GPC5: variants seen among roughly 807,000 people sequenced by gnomAD.
GPC5 encodes glypican-5.
Under a neutral mutation model 53.9 loss-of-function variants are expected in GPC5, and 47 were observed. The observed-to-expected ratio is 0.87, with a 90% CI of 0.69 to 1.11. GPC5 has a LOEUF of 1.11. GPC5 is among the 50% of genes most tolerant of loss of function. The pLI is 0.00. For synonymous variants in GPC5, 286 were observed against 263.3 expected (o/e 1.09, Z -0.84); for missense variants, 748 against 713.1 (o/e 1.05, Z -0.56).
intron 6 of GPC5, chr13:91,995,512 G>A (rs551272832): frequency 6.6e-6 from 1 of 152,232 alleles, no homozygotes; most frequent in Non-Finnish European, 1.5e-5. Context: ...AAGTGCTTCT[G>A]TTCTGTTCCC....
chr13:92,122,226 A>G (rs926056961), intron 6 of GPC5, among the ~76,000 whole-genome samples: 7 of 151,824 alleles, frequency 4.6e-5, no homozygotes, highest in Non-Finnish European at 8.8e-5. Context: ...TGCAGTGACA[A>G]TTTACCTTGG....
chr13:91,724,062 AGAATCATAAGGGAACT>A (rs771349202), intron 3 of GPC5, among the ~76,000 whole-genome samples: 51 of 152,356 alleles, frequency 3.3e-4, no homozygotes, highest in Non-Finnish European at 6.6e-4. Flanking sequence ...ACTAGTTCTC[AGAATCATAAGGGAACT>A]GAACATGAGA....
chr13:92,585,120 T>C (rs1883498427), intron 7 of GPC5, among the ~76,000 whole-genome samples: 2 of 151,866 alleles, frequency 1.3e-5, no homozygotes, highest in Non-Finnish European at 1.5e-5. Context: ...CATCTAGTGG[T>C]GCTATGAGAA....
chr13:92,356,909 C>T (rs1022565242), intron 7 of GPC5, among the ~76,000 whole-genome samples: 1 of 152,140 alleles, frequency 6.6e-6, no homozygotes, highest in Admixed American at 6.6e-5. Context: ...TCCCCATGGT[C>T]TGTTATGTCC....
intron 2 of GPC5, among the ~76,000 whole-genome samples, chr13:91,660,691 G>A (rs4531599): frequency 6.6e-6 from 1 of 152,184 alleles, no homozygotes; most frequent in African/African-American, 2.4e-5. Flanking sequence ...AGGAAATTTA[G>A]CTCAAGGATT....
chr13:92,265,215 G>A (rs2042795184), intron 7 of GPC5, among the ~76,000 whole-genome samples: 1 of 151,946 alleles, frequency 6.6e-6, no homozygotes, highest in African/African-American at 2.4e-5. Context: ...TATATGGCCA[G>A]GGTGAGAATT....
intron 7 of GPC5, among the ~76,000 whole-genome samples, chr13:92,501,822 A>G (rs73617133): frequency 0.013 from 1,908 of 152,264 alleles, 43 homozygotes; most frequent in African/African-American, 0.044. Context: ...AAGTGCTGAG[A>G]TAACTGTCCT....
At chr13:92,755,070 T>C (rs1010388033) in intron 7 of GPC5, among the ~76,000 whole-genome samples, 2 of 151,572 alleles carry the variant, frequency 1.3e-5, no homozygotes, top group Non-Finnish European at 2.9e-5. Flanking sequence ...ACTGACCACA[T>C]ACTTGGAAGT....
At chr13:91,416,531 C>T (rs1878242275) in intron 1 of GPC5, among the ~76,000 whole-genome samples, 2 of 151,956 alleles carry the variant, frequency 1.3e-5, no homozygotes, top group African/African-American at 4.8e-5. Flanking sequence ...CATATGTATA[C>T]ATGTGCCATG....
intron 2 of GPC5, among the ~76,000 whole-genome samples, chr13:91,559,896 CAT>C (rs2138899221): frequency 6.6e-6 from 1 of 152,182 alleles, no homozygotes; most frequent in South Asian, 2.1e-4. Flanking sequence ...AGATAGTTTA[CAT>C]ACAAAAATAA....
intron 7 of GPC5, among the ~76,000 whole-genome samples, chr13:92,778,564 T>A (rs1293246818): frequency 6.6e-6 from 1 of 152,210 alleles, no homozygotes; most frequent in East Asian, 1.9e-4. Flanking sequence ...TACAAAAATA[T>A]ATTGTCTTGA....
intron 7 of GPC5, among the ~76,000 whole-genome samples, chr13:92,185,626 G>A (rs1454851744): frequency 6.6e-6 from 1 of 151,934 alleles, no homozygotes; most frequent in African/African-American, 2.4e-5. Context: ...ATAATCTTAT[G>A]ATTTGGTTTT....
chr13:92,047,026 T>G (rs1402107135), intron 6 of GPC5, among the ~76,000 whole-genome samples: 1 of 152,194 alleles, frequency 6.6e-6, no homozygotes, highest in Non-Finnish European at 1.5e-5. Context: ...AGAATTTATT[T>G]TTCCTCCCTA....
chr13:91,501,439 C>A (rs1265301382), intron 2 of GPC5, among the ~76,000 whole-genome samples: 1 of 152,056 alleles, frequency 6.6e-6, no homozygotes, highest in East Asian at 1.9e-4. Flanking sequence ...TGCTCCCCTT[C>A]CTGTGTCCAT....
At chr13:91,796,463 CAG>C (rs2038049382) in intron 5 of GPC5, among the ~76,000 whole-genome samples, 2 of 152,182 alleles carry the variant, frequency 1.3e-5, no homozygotes, top group Non-Finnish European at 2.9e-5. Flanking sequence ...AGAGTGAAAA[CAG>C]AGCTCCCATA....
At chr13:91,420,240 G>A (rs1020421576) in intron 1 of GPC5, among the ~76,000 whole-genome samples, 6 of 151,958 alleles carry the variant, frequency 3.9e-5, no homozygotes, top group East Asian at 1.9e-4. Context: ...CATACTTGTG[G>A]GTTTCCTTTG....
chr13:91,570,546 T>C (rs1353646139), intron 2 of GPC5, among the ~76,000 whole-genome samples: 1 of 152,214 alleles, frequency 6.6e-6, no homozygotes, highest in Non-Finnish European at 1.5e-5. Flanking sequence ...ATGATTATGT[T>C]ATTTAATCCA....
intron 7 of GPC5, among the ~76,000 whole-genome samples, chr13:92,861,061 T>TAC (rs1165728853): frequency 1.3e-5 from 2 of 152,016 alleles, no homozygotes; most frequent in African/African-American, 4.8e-5. Flanking sequence ...AGTATATATA[T>TAC]ACATGTATTT....
At chr13:91,860,095 A>C (rs1046490355) in intron 5 of GPC5, among the ~76,000 whole-genome samples, 3 of 152,058 alleles carry the variant, frequency 2.0e-5, no homozygotes, top group Admixed American at 1.3e-4. Context: ...TTTGCTAACT[A>C]TTTGAAACTA....
Sources: gnomAD v4.1 joint callset for allele counts (sites outside exome capture counted in the v4.1 genomes callset) on GRCh38, gnomAD v4.1.1 for gene constraint, MANE v1.5 for transcripts, NCBI Gene and HGNC (gene_info 2026-07-23, HGNC 2026-07-21) for gene names.